Variants in SCN11A observed in about 807,000 individuals in gnomAD.
SCN11A encodes the protein sodium voltage-gated channel alpha subunit 11, also known as sodium channel protein type 11 subunit alpha.
Under a neutral mutation model 162.2 loss-of-function variants are expected in SCN11A, and 122 were observed. The ratio of observed to expected loss-of-function variants is 0.75; its 90% CI spans 0.65 to 0.87. The LOEUF (loss-of-function observed/expected upper bound fraction) is 0.87, where lower values mean the gene tolerates loss of function less well. SCN11A is among the 40% of genes least tolerant of loss of function. SCN11A has a pLI of 0.00. For missense variants in SCN11A, 2,015 were observed against 2,181.6 expected, an observed-to-expected ratio of 0.92 and a Z score of 1.52; for synonymous variants, 758 against 751.5, an observed-to-expected ratio of 1.01 and a Z score of -0.14.
chr3:38,898,154 C>T (rs2065637479), intron 17 of SCN11A, among the ~76,000 whole-genome samples: 1 of 152,084 alleles, frequency 6.6e-6, no homozygotes, highest in Admixed American at 6.5e-5. Context: ...GGGAGGATGG[C>T]TTGAGCCTGG....
In SCN11A at chr3:38,903,914, T is replaced by C; in HGVS notation, c.1793A>G (p.His598Arg). ...IINTVFLAMEHHKMEASFEKM... is the reference protein window; with the variant it reads ...IINTVFLAMERHKMEASFEKM... Reference sequence around the variant, plus strand: ...CTCAAAACTGGCCTCCATCTTGTGATGCTCCATGGCCAAGAAGACAGTGTT... The same window carrying C: ...CTCAAAACTGGCCTCCATCTTGTGACGCTCCATGGCCAAGAAGACAGTGTT... The change falls in exon 16 of 30, where the codon CAT becomes CGT. Residue 598 changes from histidine (H) to arginine (R), a missense_variant. Physicochemically the swap from His to Arg is conservative, Grantham distance 29. Transcript: ENST00000302328. The C allele has an allele frequency of 1.2e-6, 2 of 1,613,792 alleles. No homozygotes were observed. Among genetic ancestry groups the C allele is most frequent in the Non-Finnish European group, 1.7e-6 (2 of 1,179,886 alleles).
chr3:38,895,021 G>C, intron 18 of SCN11A, 57 bp from the exon 19 acceptor site: 1 of 1,490,316 alleles, frequency 6.7e-7, no homozygotes, highest in East Asian at 2.3e-5. Flanking sequence ...AAAAGATATA[G>C]TGGGTTTCCA....
chr3:38,913,743 T>C (rs1243936150), intron 11 of SCN11A, among the ~76,000 whole-genome samples: 2 of 152,216 alleles, frequency 1.3e-5, no homozygotes, highest in African/African-American at 4.8e-5. Flanking sequence ...CACCATTTAT[T>C]GAATAGGGTG....
intron 7 of SCN11A, among the ~76,000 whole-genome samples, chr3:38,932,921 C>T (rs2066267818): frequency 6.6e-6 from 1 of 152,238 alleles, no homozygotes; most frequent in African/African-American, 2.4e-5. Flanking sequence ...ACTGCCTCCT[C>T]AAGTGGGTCC....
rs114772536 is a variant in SCN11A, at chr3:38,914,016, T to A, written c.960-3809A>T. Among the ~76,000 whole-genome samples the A allele has an allele frequency of 8.0e-3, 1,225 of 152,250 alleles. 19 individuals are homozygous for A. The highest frequency in any genetic ancestry group is 0.028 in the African/African-American group (1,174 of 41,576). ...ATATAAATTTTAAAACAGCATTTTT[T>A]AAATTCTGTCAAGAATGTCATTGGT... is the stretch of plus-strand genomic sequence containing the variant. On this transcript the variant is annotated intron_variant, in intron 11 of 29. Coordinates refer to ENST00000302328, the MANE Select transcript of SCN11A (RefSeq NM_001349253.2).
At chr3:38,913,621 A>G (rs1230543194) in intron 11 of SCN11A, among the ~76,000 whole-genome samples, 2 of 152,092 alleles carry the variant, frequency 1.3e-5, no homozygotes, top group African/African-American at 4.8e-5. Flanking sequence ...GAGTTTTTAT[A>G]GTTTGGGGAT....
intron 2 of SCN11A, among the ~76,000 whole-genome samples, chr3:39,014,512 C>G (rs6785422): frequency 0.15 from 23,124 of 152,180 alleles, 3,501 homozygotes; most frequent in African/African-American, 0.39. Context: ...AGACAATATC[C>G]CAACTTGGTA....
rs146427042 is a variant in SCN11A, at chr3:38,856,898, T to A, written c.4057-6147A>T. 2.2e-3 allele frequency among the ~76,000 whole-genome samples: 337 copies of A among 152,224 alleles called. 1 individual carries two copies. The highest frequency in any genetic ancestry group is 0.014 in the Middle Eastern group (4 of 294). On this transcript the variant is annotated intron_variant, in intron 28 of 29. Transcript: ENST00000302328. ...TGACTCTTTATAACTAAGGATCTCATACAGAGTCTTTACTCCTACAAGCAC... is the reference window on the plus strand; with the variant it reads ...TGACTCTTTATAACTAAGGATCTCAAACAGAGTCTTTACTCCTACAAGCAC...
At chr3:38,937,045 C>T (rs894335924) in intron 7 of SCN11A, among the ~76,000 whole-genome samples, 1 of 152,100 alleles carries the variant, frequency 6.6e-6, no homozygotes, top group Non-Finnish European at 1.5e-5. Context: ...TGGAACAGAA[C>T]AGAGCCCTCA....
In SCN11A at chr3:39,015,097, T is replaced by A. The variant is rs78782261; in HGVS notation, c.-280+17283A>T. ...AAATTTAATTGCCATTGTAGCAATA[T>A]TAAGAGGTGGAGCCTTTAAGAAGAG... On this transcript the variant is annotated intron_variant, in intron 2 of 29. Coordinates refer to ENST00000302328, the MANE Select transcript of SCN11A (RefSeq NM_001349253.2). Among the ~76,000 whole-genome samples, 824 of 151,888 alleles carry A rather than the reference T, an allele frequency of 5.4e-3. 7 individuals are homozygous for A. Among genetic ancestry groups the A allele is most frequent in the African/African-American group, 0.015 (633 of 41,114 alleles).
At chr3:38,889,802 AAAAATAAAATAAAATAAAATAAAAT>A (rs372120454) in intron 19 of SCN11A, among the ~76,000 whole-genome samples, 23,975 of 130,804 alleles carry the variant, frequency 0.18, 2,391 homozygotes, top group East Asian at 0.23. Context: ...TCCATCTCAA[AAAAATAAAATAAAATAAAATAAAAT>A]AAAATAAAAT....
intron 13 of SCN11A, among the ~76,000 whole-genome samples, chr3:38,908,340 T>C (rs2065833648): frequency 6.6e-6 from 1 of 152,202 alleles, no homozygotes; most frequent in Non-Finnish European, 1.5e-5. Context: ...CAGCATTGAC[T>C]CTTTCATATC....
intron 3 of SCN11A, among the ~76,000 whole-genome samples, chr3:38,956,935 C>T (rs2066689229): frequency 6.6e-6 from 1 of 152,052 alleles, no homozygotes; most frequent in African/African-American, 2.4e-5. Flanking sequence ...CAGATAAGTA[C>T]AAAACCAAAT....
At chr3:38,944,720 G>A (rs932274631) in intron 7 of SCN11A, among the ~76,000 whole-genome samples, 14 of 152,122 alleles carry the variant, frequency 9.2e-5, no homozygotes, top group Admixed American at 6.5e-5. Context: ...CAACACTTTG[G>A]GAGGCCAAGG....
At chr3:39,018,881 A>T (rs542898310) in intron 2 of SCN11A, among the ~76,000 whole-genome samples, 1 of 152,362 alleles carries the variant, frequency 6.6e-6, no homozygotes, top group Non-Finnish European at 1.5e-5. Flanking sequence ...ATTATATAAC[A>T]GTGATAAAGT....
intron 24 of SCN11A, 32 bp from the exon 25 acceptor site, chr3:38,871,740 C>T (rs1029315316): frequency 6.4e-7 from 1 of 1,551,904 alleles, no homozygotes; most frequent in Middle Eastern, 1.7e-4. Context: ...AAAACCATAA[C>T]AGATGGGTAG....
At chr3:39,042,710 C>G (rs1340712167) in intron 1 of SCN11A, among the ~76,000 whole-genome samples, 1 of 151,970 alleles carries the variant, frequency 6.6e-6, no homozygotes, top group Non-Finnish European at 1.5e-5. Context: ...GTAATCCCAG[C>G]ACTTTGGGAG....
chr3:39,004,545 C>T lies in SCN11A; in HGVS notation c.-280+27835G>A, dbSNP rs2030913787. ...ATATGAATTTTAAAATAGTTTTTTT[C>T]TAGTTCTGTGAAGAATGTAATTGGT... On this transcript the variant is annotated intron_variant, in intron 2 of 29. Transcript: ENST00000302328. Among the ~76,000 whole-genome samples the T allele has an allele frequency of 2.0e-5, 3 of 151,944 alleles. No individual in the cohort carries two copies. The South Asian group carries it at 6.2e-4, about 32-fold the overall frequency.
rs919582218 is a variant in SCN11A at position 38,845,819 on chromosome 3, G to A, written c.*875C>T. 2.6e-5 allele frequency: 4 copies of A among 151,974 alleles called. No individual in the cohort carries two copies. The East Asian group carries it at 7.7e-4, about 29-fold the overall frequency. 9.4% of individuals were successfully genotyped at this position (151,974 alleles called of 1,614,324 possible). On this transcript the variant is annotated 3_prime_UTR_variant, in exon 30 of 30. Coordinates refer to ENST00000302328, the MANE Select transcript of SCN11A (RefSeq NM_001349253.2). ...AATTTATATATATATATATATCTGA[G>A]ATGGTAGCTTGTGAAAGGGTAGTAA...
Sources: allele counts gnomAD v4.1 joint callset (sites outside exome capture counted in the v4.1 genomes callset), GRCh38; gene constraint gnomAD v4.1.1; transcripts MANE v1.5; gene names NCBI Gene and HGNC (gene_info 2026-07-23, HGNC 2026-07-21).